The following KCNIP1 variants were observed in gnomAD, a reference collection of about 807,000 sequenced individuals.
The protein encoded by KCNIP1 is potassium voltage-gated channel interacting protein 1.
In KCNIP1, 18 loss-of-function variants were observed where a neutral mutation model predicts 33.0. The observed-to-expected ratio is 0.55, with a 90% CI of 0.38 to 0.81. The LOEUF (loss-of-function observed/expected upper bound fraction) is 0.81. Ranked by LOEUF, KCNIP1 falls within the 30% of genes least tolerant of loss-of-function variation. KCNIP1 has a pLI of 0.00. For missense variants in KCNIP1, 238 were observed against 271.6 expected (o/e 0.88, Z 0.87); for synonymous variants, 93 against 98.3 (o/e 0.95, Z 0.32).
At chr5:170,587,591 G>A (rs1292976795) in intron 1 of KCNIP1, among the ~76,000 whole-genome samples, 4 of 152,066 alleles carry the variant, frequency 2.6e-5, no homozygotes, top group African/African-American at 9.7e-5. Context: ...AGCTTCTGGA[G>A]GCCACTCACA....
At chr5:170,560,561 G>C (rs991447276) in intron 1 of KCNIP1, among the ~76,000 whole-genome samples, 14 of 152,076 alleles carry the variant, frequency 9.2e-5, no homozygotes, top group Admixed American at 7.2e-4. Flanking sequence ...TTGTGCCCCC[G>C]GGGATCAGGG....
At chr5:170,518,136 TAGC>T (rs199838331) in intron 1 of KCNIP1, among the ~76,000 whole-genome samples, 1,835 of 152,176 alleles carry the variant, frequency 0.012, 19 homozygotes, top group Admixed American at 0.02. Context: ...GTGGTGATGA[TAGC>T]AGTAGGGCTG....
intron 2 of KCNIP1, 75 bp from the exon 3 acceptor site, chr5:170,720,246 C>A: frequency 9.5e-7 from 1 of 1,053,580 alleles, no homozygotes; most frequent in Non-Finnish European, 1.5e-6. Context: ...GAACCCCAGA[C>A]ACCAAGGCTG....
chr5:170,544,004 G>A (rs771607023), intron 1 of KCNIP1, among the ~76,000 whole-genome samples: 1 of 152,144 alleles, frequency 6.6e-6, no homozygotes, highest in Non-Finnish European at 1.5e-5. Flanking sequence ...TGCATAAAAC[G>A]TTTAAGTGAC....
chr5:170,698,609 C>T (rs1257347389), intron 1 of KCNIP1, among the ~76,000 whole-genome samples: 2 of 151,884 alleles, frequency 1.3e-5, no homozygotes, highest in Non-Finnish European at 2.9e-5. Context: ...CACTGCAAGA[C>T]CCCCACCCCC....
chr5:170,404,284 T>G (rs536907183), intron 1 of KCNIP1, among the ~76,000 whole-genome samples: 1 of 152,354 alleles, frequency 6.6e-6, no homozygotes, highest in South Asian at 2.1e-4. Context: ...ATAAATGTAC[T>G]ATGTGCATTT....
intron 1 of KCNIP1, among the ~76,000 whole-genome samples, chr5:170,390,545 A>G (rs1407022430): frequency 8.0e-6 from 1 of 125,102 alleles, no homozygotes; most frequent in African/African-American, 3.3e-5. Context: ...TATATTTTCA[A>G]CAAAACAACA....
chr5:170,369,643 C>T (rs142897454), intron 1 of KCNIP1, among the ~76,000 whole-genome samples: 1 of 152,204 alleles, frequency 6.6e-6, no homozygotes, highest in Non-Finnish European at 1.5e-5. Flanking sequence ...TCAAGCTGTA[C>T]TTTAAAGAAA....
intron 1 of KCNIP1, among the ~76,000 whole-genome samples, chr5:170,544,315 GCTTA>G (rs1326099285): frequency 1.3e-5 from 2 of 152,042 alleles, no homozygotes; most frequent in African/African-American, 4.8e-5. Flanking sequence ...AGAATAGAAA[GCTTA>G]CTAAGTTGAT....
chr5:170,396,284 C>G (rs988411106), intron 1 of KCNIP1, among the ~76,000 whole-genome samples: 1 of 152,160 alleles, frequency 6.6e-6, no homozygotes, highest in Admixed American at 6.5e-5. Flanking sequence ...AGGGGATGCT[C>G]CCAGCCTGGG....
intron 1 of KCNIP1, among the ~76,000 whole-genome samples, chr5:170,441,368 CT>C (rs1755986019): frequency 6.6e-6 from 1 of 152,130 alleles, no homozygotes. Flanking sequence ...AACGAGACCC[CT>C]GAGGGCACAG....
chr5:170,572,913 C>G (rs1358346013), intron 1 of KCNIP1, among the ~76,000 whole-genome samples: 1 of 152,220 alleles, frequency 6.6e-6, no homozygotes, highest in Non-Finnish European at 1.5e-5. Context: ...GATACGGTGC[C>G]AGGAACATTA....
chr5:170,396,072 T>C (rs147474895), intron 1 of KCNIP1, among the ~76,000 whole-genome samples: 385 of 152,354 alleles, frequency 2.5e-3, no homozygotes, highest in African/African-American at 8.4e-3. Flanking sequence ...ACATCAGGGC[T>C]TTTGTCTTTT....
At chr5:170,647,552 A>G (rs945079751) in intron 1 of KCNIP1, among the ~76,000 whole-genome samples, 1 of 152,034 alleles carries the variant, frequency 6.6e-6, no homozygotes, top group Non-Finnish European at 1.5e-5. Flanking sequence ...AAACAGTGCT[A>G]GAACAACTGG....
intron 1 of KCNIP1, among the ~76,000 whole-genome samples, chr5:170,428,205 G>T (rs1755655056): frequency 6.6e-6 from 1 of 152,200 alleles, no homozygotes; most frequent in Non-Finnish European, 1.5e-5. Flanking sequence ...GGAAACGGGA[G>T]GAGGCTGGGA....
chr5:170,735,016 C>T (rs968207206), intron 7 of KCNIP1, among the ~76,000 whole-genome samples: 37 of 152,230 alleles, frequency 2.4e-4, no homozygotes, highest in African/African-American at 8.9e-4. Context: ...GCCTGAAACC[C>T]TCACCAGATG....
At chr5:170,509,950 C>T (rs933576688) in intron 1 of KCNIP1, among the ~76,000 whole-genome samples, 3 of 152,200 alleles carry the variant, frequency 2.0e-5, no homozygotes, top group Non-Finnish European at 4.4e-5. Context: ...TTCACCCTTG[C>T]CTGGGTGAGA....
At chr5:170,383,673 C>T (rs1366552447) in intron 1 of KCNIP1, 1 of 1,614,124 alleles carries the variant, frequency 6.2e-7, no homozygotes, top group Admixed American at 1.7e-5. Flanking sequence ...CCCTCCAGTT[C>T]AGTACCTGCT....
chr5:170,394,632 C>T (rs112788524), intron 1 of KCNIP1, among the ~76,000 whole-genome samples: 2,696 of 152,226 alleles, frequency 0.018, 90 homozygotes, highest in African/African-American at 0.061. Context: ...GGGGGATACA[C>T]GTGCAGGTTT....
Sources: allele counts gnomAD v4.1 joint callset (sites outside exome capture counted in the v4.1 genomes callset), GRCh38; gene constraint gnomAD v4.1.1; transcripts MANE v1.5; gene names NCBI Gene and HGNC (gene_info 2026-07-23, HGNC 2026-07-21).